BNC2: variants seen among roughly 807,000 people sequenced by gnomAD.
BNC2 encodes zinc finger protein basonuclin-2.
A neutral mutation model predicts 76.3 loss-of-function variants in BNC2; 20 were observed. The observed-to-expected ratio is 0.26, with a 90% CI of 0.18 to 0.38. The LOEUF is 0.38. BNC2 is among the 10% of genes least tolerant of loss of function. The probability of loss-of-function intolerance (pLI) is 1.00; values close to 1 mark genes in which losing one functional copy is unlikely to be tolerated. For missense variants in BNC2, 1,382 were observed against 1,399.8 expected, an observed-to-expected ratio of 0.99 and a Z score of 0.20; for synonymous variants, 582 against 514.8, an observed-to-expected ratio of 1.13 and a Z score of -1.77.
At chr9:16,840,356 G>A (rs1276869073) in intron 1 of BNC2, among the ~76,000 whole-genome samples, 1 of 152,174 alleles carries the variant, frequency 6.6e-6, no homozygotes, top group African/African-American at 2.4e-5. Flanking sequence ...GCATAAAAGG[G>A]GAGAGAACTT....
At chr9:16,568,091 G>T (rs997323712) in intron 4 of BNC2, among the ~76,000 whole-genome samples, 3 of 152,210 alleles carry the variant, frequency 2.0e-5, no homozygotes, top group Non-Finnish European at 4.4e-5. Flanking sequence ...AAGGCTAATT[G>T]TTTCGAGAAC....
chr9:16,825,043 T>G (rs1275981213), intron 1 of BNC2, among the ~76,000 whole-genome samples: 1 of 64,740 alleles, frequency 1.5e-5, no homozygotes, highest in South Asian at 4.0e-4. Flanking sequence ...TTCTTACCCC[T>G]CTTTTTTTTT....
chr9:16,472,495 C>G (rs1021594820), intron 5 of BNC2, among the ~76,000 whole-genome samples: 4 of 152,210 alleles, frequency 2.6e-5, no homozygotes, highest in Non-Finnish European at 4.4e-5. Flanking sequence ...GCTGTGCACT[C>G]TTTTAGGATA....
At chr9:16,797,256 C>T (rs1208925776) in intron 1 of BNC2, among the ~76,000 whole-genome samples, 4 of 152,134 alleles carry the variant, frequency 2.6e-5, no homozygotes, top group Non-Finnish European at 4.4e-5. Context: ...CAAGTCCACA[C>T]TTGGCTCTAA....
At chr9:16,582,174 A>C (rs938353012) in intron 4 of BNC2, among the ~76,000 whole-genome samples, 3 of 152,124 alleles carry the variant, frequency 2.0e-5, no homozygotes, top group African/African-American at 7.2e-5. Context: ...TTCTTTTTAT[A>C]AACATTACCT....
chr9:16,682,090 G>C (rs751910135), intron 3 of BNC2, among the ~76,000 whole-genome samples: 1 of 151,848 alleles, frequency 6.6e-6, no homozygotes, highest in African/African-American at 2.4e-5. Flanking sequence ...ATCTGTGAAG[G>C]AAACAACCTT....
At chr9:16,868,431 T>C (rs1009584521) in intron 1 of BNC2, among the ~76,000 whole-genome samples, 22 of 152,172 alleles carry the variant, frequency 1.4e-4, no homozygotes, top group Admixed American at 1.4e-3. Flanking sequence ...ACATCTCAAA[T>C]AGAAGAAAAA....
chr9:16,630,399 G>A (rs1472706148), intron 3 of BNC2, among the ~76,000 whole-genome samples: 2 of 152,128 alleles, frequency 1.3e-5, no homozygotes, highest in Non-Finnish European at 2.9e-5. Context: ...TTAATAACAT[G>A]GAAAGATAGT....
intron 3 of BNC2, among the ~76,000 whole-genome samples, chr9:16,719,731 T>G (rs1367478001): frequency 2.0e-5 from 3 of 152,210 alleles, no homozygotes; most frequent in African/African-American, 7.2e-5. Flanking sequence ...TGAATCCTCC[T>G]CATGTGTTAT....
At chr9:16,541,658 G>A (rs545557499) in intron 5 of BNC2, among the ~76,000 whole-genome samples, 1 of 152,122 alleles carries the variant, frequency 6.6e-6, no homozygotes, top group Non-Finnish European at 1.5e-5. Flanking sequence ...TTAAAAAGAG[G>A]CAAATGAATG....
intron 1 of BNC2, among the ~76,000 whole-genome samples, chr9:16,745,744 C>G (rs10756802): frequency 0.86 from 130,930 of 152,232 alleles, 56,713 homozygotes; most frequent in Non-Finnish European, 0.91. Context: ...CATTACTTTT[C>G]CGTTTTCCTA....
chr9:16,827,124 T>C (rs1586915709), intron 1 of BNC2, among the ~76,000 whole-genome samples: 1 of 152,328 alleles, frequency 6.6e-6, no homozygotes, highest in African/African-American at 2.4e-5. Flanking sequence ...GTTTAATTAC[T>C]GTAAAGTTAC....
intron 5 of BNC2, among the ~76,000 whole-genome samples, 198 bp from the exon 6 acceptor site, chr9:16,437,722 C>CAGTTAGAG (rs1475292732): frequency 3.3e-5 from 5 of 152,172 alleles, no homozygotes; most frequent in African/African-American, 1.2e-4. Context: ...ATTAGAGTCA[C>CAGTTAGAG]AGTTAGAGAA....
intron 4 of BNC2, chr9:16,575,516 C>G: frequency 1.5e-5 from 13 of 857,068 alleles, no homozygotes; most frequent in Non-Finnish European, 1.8e-5. Context: ...GTGCAAAGCA[C>G]CATCCAAAAA....
At chr9:16,558,151 A>G (rs927564660) in intron 4 of BNC2, among the ~76,000 whole-genome samples, 1 of 152,152 alleles carries the variant, frequency 6.6e-6, no homozygotes, top group Non-Finnish European at 1.5e-5. Flanking sequence ...CTCAGACAAT[A>G]CCAGTATTTC....
At chr9:16,457,002 G>T (rs892198182) in intron 5 of BNC2, among the ~76,000 whole-genome samples, 1 of 152,174 alleles carries the variant, frequency 6.6e-6, no homozygotes, top group East Asian at 1.9e-4. Flanking sequence ...GAGTATATGT[G>T]GTGGGGAGAG....
At chr9:16,631,091 C>T (rs1285296434) in intron 3 of BNC2, among the ~76,000 whole-genome samples, 1 of 152,126 alleles carries the variant, frequency 6.6e-6, no homozygotes, top group Admixed American at 6.5e-5. Flanking sequence ...TTCTTTAAAA[C>T]TACATTTATG....
At chr9:16,846,926 T>C (rs1294795938) in intron 1 of BNC2, among the ~76,000 whole-genome samples, 1 of 152,212 alleles carries the variant, frequency 6.6e-6, no homozygotes, top group Non-Finnish European at 1.5e-5. Context: ...AGTATTAGTG[T>C]ATAATTACTG....
At chr9:16,526,467 CTTTTTTTTTTTTTTTT>C (rs144511624) in intron 5 of BNC2, among the ~76,000 whole-genome samples, 2 of 48,790 alleles carry the variant, frequency 4.1e-5, no homozygotes, top group Non-Finnish European at 7.4e-5. Flanking sequence ...TAGTTTAATG[CTTTTTTTTTTTTTTTT>C]TTTTTTTTTT....
Sources: allele counts gnomAD v4.1 joint callset (sites outside exome capture counted in the v4.1 genomes callset), GRCh38; gene constraint gnomAD v4.1.1; transcripts MANE v1.5; gene names NCBI Gene and HGNC (gene_info 2026-07-23, HGNC 2026-07-21).